NCAM2: variants seen among roughly 807,000 people sequenced by gnomAD.
NCAM2 encodes neural cell adhesion molecule 2, also known as N-CAM-2.
In NCAM2, 30 loss-of-function variants were observed where a neutral mutation model predicts 98.1. The observed-to-expected ratio is 0.31, with a 90% CI of 0.23 to 0.41. The LOEUF (loss-of-function observed/expected upper bound fraction) is 0.41, where lower values mean the gene tolerates loss of function less well. Among genes scored for constraint, NCAM2 ranks in the 10% least tolerant of loss-of-function variants. The pLI is 1.00. For missense variants in NCAM2, 867 were observed against 1,005.8 expected, an observed-to-expected ratio of 0.86 and a Z score of 1.87; for synonymous variants, 368 against 342.4, an observed-to-expected ratio of 1.07 and a Z score of -0.83.
intron 15 of NCAM2, among the ~76,000 whole-genome samples, chr21:21,486,713 T>C (rs192384296): frequency 2.0e-5 from 3 of 152,298 alleles, no homozygotes; most frequent in Admixed American, 6.5e-5. Flanking sequence ...AGTAAGTTAG[T>C]GCAAAGTTTA....
chr21:21,535,856 C>A (rs568435135), intron 17 of NCAM2, among the ~76,000 whole-genome samples: 1 of 152,146 alleles, frequency 6.6e-6, no homozygotes, highest in African/African-American at 2.4e-5. Flanking sequence ...TAACAGTGAT[C>A]TTAAACATAT....
Position 21,477,454 on chromosome 21 carries a change from A to T in NCAM2, c.2060A>T (p.Lys687Met), listed in dbSNP as rs751816782. 6 of 1,599,192 alleles carry T rather than the reference A, an allele frequency of 3.8e-6. No individual in the cohort carries two copies. Among genetic ancestry groups the T allele is most frequent in the Non-Finnish European group, 5.1e-6 (6 of 1,171,108 alleles). Residue 687 changes from lysine to methionine, a missense_variant, in exon 15 of 18, where the codon AAG becomes ATG. Coordinates refer to ENST00000400546, the MANE Select transcript of NCAM2 (RefSeq NM_004540.5). Reference sequence around the variant, plus strand: ...GTTTATGAATTCAGCATGCCACCAAAGCCCAACATTATTAAAGGTAAGCAA... The same window carrying T: ...GTTTATGAATTCAGCATGCCACCAATGCCCAACATTATTAAAGGTAAGCAA... Reference protein sequence around the residue: ...PTVYEFSMPPKPNIIKDTLFN... With the variant: ...PTVYEFSMPPMPNIIKDTLFN...
intron 1 of NCAM2, among the ~76,000 whole-genome samples, chr21:21,248,776 C>CA (rs1171857115): frequency 5.9e-5 from 3 of 50,654 alleles, no homozygotes; most frequent in African/African-American, 2.5e-4. Context: ...GACTCTGTCT[C>CA]AAAAAAAAAA....
At chr21:21,251,886 A>AC (rs913680664) in intron 1 of NCAM2, among the ~76,000 whole-genome samples, 57 of 152,204 alleles carry the variant, frequency 3.7e-4, no homozygotes, top group African/African-American at 1.3e-3. Flanking sequence ...TATGCTGTGC[A>AC]GAAGCTCTTT....
At position 21,477,341 on chromosome 21, in the gene NCAM2, C is replaced by A. The variant is rs1195865537; in HGVS notation, c.1947C>A (p.Asp649Glu). 1.2e-6 allele frequency: 2 copies of A among 1,608,352 alleles called. No homozygotes were observed. The highest frequency in any genetic ancestry group is 2.2e-5 in the East Asian group (1 of 44,672). Residue 649 changes from aspartate to glutamate, a missense_variant, in exon 15 of 18, where the codon GAC becomes GAA. Asp to Glu is a conservative substitution (Grantham distance 45, BLOSUM62 2). Around this residue, in one of 5 missense-constraint regions of NCAM2, gnomAD observed 234 missense variants for 333.8 expected, o/e 0.70. Coordinates refer to ENST00000400546, the MANE Select transcript of NCAM2 (RefSeq NM_004540.5). ...WLEKKVQGNK[D>E]HIILEHLQWT... ...AGAAAAAAGTGCAAGGAAATAAAGA[C>A]CACATCATTTTGGAGCATCTCCAGT...
chr21:21,005,757 C>T (rs1395268940), intron 1 of NCAM2, among the ~76,000 whole-genome samples: 1 of 150,806 alleles, frequency 6.6e-6, no homozygotes, highest in Non-Finnish European at 1.5e-5. Flanking sequence ...GTTTCTTTTT[C>T]TTTTTAACAC....
intron 12 of NCAM2, among the ~76,000 whole-genome samples, chr21:21,457,147 A>G (rs1169041192): frequency 1.3e-5 from 2 of 152,020 alleles, no homozygotes; most frequent in Non-Finnish European, 2.9e-5. Flanking sequence ...ATTGCCTCAA[A>G]TAGACTATTA....
intron 1 of NCAM2, among the ~76,000 whole-genome samples, chr21:21,106,803 G>A (rs2066358821): frequency 6.6e-6 from 1 of 151,938 alleles, no homozygotes; most frequent in South Asian, 2.1e-4. Flanking sequence ...AGTTTCTATG[G>A]TTTTCAAATA....
rs2076156262 is a variant in NCAM2 at position 21,381,654 on chromosome 21, C to A, written c.1195+7641C>A. On this transcript the variant is annotated intron_variant, in intron 9 of 17. Coordinates refer to ENST00000400546, the MANE Select transcript of NCAM2 (RefSeq NM_004540.5). ...TGCAACCATTTGGATTCCTTACACA[C>A]ACCTTATCTAATTATCTTTTTGACA... Among the ~76,000 whole-genome samples the A allele has an allele frequency of 2.0e-5, 3 of 152,124 alleles. No individual in the cohort carries two copies. In the South Asian group the frequency reaches 6.2e-4, roughly 31 times the overall value.
At chr21:21,043,416 C>T (rs1453231778) in intron 1 of NCAM2, among the ~76,000 whole-genome samples, 2 of 152,018 alleles carry the variant, frequency 1.3e-5, no homozygotes, top group African/African-American at 4.8e-5. Context: ...AATTGGATAG[C>T]CGCACATATG....
At chr21:21,251,446 G>A (rs374966439) in intron 1 of NCAM2, among the ~76,000 whole-genome samples, 485 of 152,150 alleles carry the variant, frequency 3.2e-3, no homozygotes, top group Non-Finnish European at 5.6e-3. Flanking sequence ...GAGAATCATG[G>A]CTTCCAGCTT....
chr21:21,188,817 T>C (rs578184175), intron 1 of NCAM2, among the ~76,000 whole-genome samples: 1 of 152,286 alleles, frequency 6.6e-6, no homozygotes, highest in Non-Finnish European at 1.5e-5. Flanking sequence ...CAAAGGCATA[T>C]AAAGAGCTAG....
intron 15 of NCAM2, among the ~76,000 whole-genome samples, chr21:21,496,417 T>C (rs556699226): frequency 2.5e-4 from 38 of 152,240 alleles, no homozygotes; most frequent in African/African-American, 8.7e-4. Context: ...TATCTTCTTT[T>C]TGAGAAGCGT....
intron 1 of NCAM2, among the ~76,000 whole-genome samples, chr21:21,032,139 A>G (rs2064698284): frequency 6.6e-6 from 1 of 152,070 alleles, no homozygotes; most frequent in Non-Finnish European, 1.5e-5. Context: ...AGCCTTTTTA[A>G]TTAGTTATTT....
At chr21:21,120,236 A>T (rs2066643855) in intron 1 of NCAM2, among the ~76,000 whole-genome samples, 1 of 152,184 alleles carries the variant, frequency 6.6e-6, no homozygotes, top group Non-Finnish European at 1.5e-5. Context: ...TTTATTAATG[A>T]TTTGCAAGGA....
chr21:21,474,293 T>C (rs1171176307), intron 14 of NCAM2, among the ~76,000 whole-genome samples: 1 of 152,110 alleles, frequency 6.6e-6, no homozygotes, highest in Non-Finnish European at 1.5e-5. Context: ...TGGTTTCTTA[T>C]ACTATCAGCC....
At chr21:21,341,611 A>T (rs1482964504) in intron 8 of NCAM2, among the ~76,000 whole-genome samples, 1 of 152,172 alleles carries the variant, frequency 6.6e-6, no homozygotes, top group African/African-American at 2.4e-5. Context: ...TCGTGTAGTA[A>T]AAACTAATAA....
At chr21:21,300,731 G>T (rs1434996072) in intron 5 of NCAM2, among the ~76,000 whole-genome samples, 1 of 151,394 alleles carries the variant, frequency 6.6e-6, no homozygotes, top group African/African-American at 2.4e-5. Context: ...ATTATTTTGT[G>T]CAAATATGTG....
intron 9 of NCAM2, among the ~76,000 whole-genome samples, chr21:21,402,993 G>A (rs2076664937): frequency 6.6e-6 from 1 of 152,082 alleles, no homozygotes; most frequent in Non-Finnish European, 1.5e-5. Context: ...AATAGCCTTT[G>A]TAACTGATGT....
Sources: gnomAD v4.1 joint callset for allele counts (sites outside exome capture counted in the v4.1 genomes callset) on GRCh38, gnomAD v4.1.1 for gene constraint, gnomAD v4.1.1 regional missense constraint, MANE v1.5 for transcripts, NCBI Gene and HGNC (gene_info 2026-07-23, HGNC 2026-07-21) for gene names.